The following SMYD3 variants were observed in gnomAD, a reference collection of about 807,000 sequenced individuals.
SMYD3 encodes the protein SET and MYND domain containing 3, also known as histone-lysine N-methyltransferase SMYD3.
SMYD3 carries 36 observed loss-of-function variants against 57.7 expected under a neutral mutation model. That is an observed-to-expected ratio of 0.62 (90% CI 0.48 to 0.82). The LOEUF (loss-of-function observed/expected upper bound fraction) is 0.82. Among genes scored for constraint, SMYD3 ranks in the 40% least tolerant of loss-of-function variants. The probability of loss-of-function intolerance (pLI) is 0.00; values close to 1 mark genes in which losing one functional copy is unlikely to be tolerated. For synonymous variants in SMYD3, 211 were observed against 195.0 expected, an observed-to-expected ratio of 1.08 and a Z score of -0.68; for missense variants, 515 against 538.8, an observed-to-expected ratio of 0.96 and a Z score of 0.44.
intron 10 of SMYD3, among the ~76,000 whole-genome samples, chr1:245,820,991 A>G (rs550239782): frequency 7.3e-5 from 11 of 151,250 alleles, no homozygotes; most frequent in African/African-American, 2.7e-4. Flanking sequence ...TACAGATTCA[A>G]TGCCATCCCC....
At chr1:246,220,658 G>A (rs1352904861) in intron 5 of SMYD3, among the ~76,000 whole-genome samples, 2 of 152,184 alleles carry the variant, frequency 1.3e-5, no homozygotes, top group Non-Finnish European at 2.9e-5. Flanking sequence ...GGGCGGATGG[G>A]GCCTGGTCAC....
At chr1:245,900,857 C>A (rs1558474413) in intron 8 of SMYD3, among the ~76,000 whole-genome samples, 1 of 152,218 alleles carries the variant, frequency 6.6e-6, no homozygotes, top group Non-Finnish European at 1.5e-5. Context: ...AGCTACCTTG[C>A]TAACATTCCA....
intron 10 of SMYD3, among the ~76,000 whole-genome samples, chr1:245,802,940 G>T (rs2791399): frequency 0.19 from 29,499 of 152,090 alleles, 3,743 homozygotes; most frequent in African/African-American, 0.36. Flanking sequence ...TCTATCAGCT[G>T]CCAACTGCCT....
chr1:246,361,329 A>C (rs1419270052), intron 1 of SMYD3, among the ~76,000 whole-genome samples: 1 of 152,228 alleles, frequency 6.6e-6, no homozygotes, highest in African/African-American at 2.4e-5. Flanking sequence ...TGAAAAGGGA[A>C]CACTTTTACA....
intron 11 of SMYD3, among the ~76,000 whole-genome samples, chr1:245,755,431 T>C (rs2045565969): frequency 6.6e-6 from 1 of 152,240 alleles, no homozygotes; most frequent in Non-Finnish European, 1.5e-5. Flanking sequence ...TTATTTTGTA[T>C]CCCTCCTCAG....
intron 5 of SMYD3, among the ~76,000 whole-genome samples, chr1:246,220,516 C>A (rs977410334): frequency 1.3e-5 from 2 of 152,174 alleles, no homozygotes; most frequent in African/African-American, 4.8e-5. Context: ...CCCCTGACTG[C>A]ACTCACAGTC....
chr1:245,875,984 G>C (rs2052466545), intron 8 of SMYD3, among the ~76,000 whole-genome samples: 1 of 152,164 alleles, frequency 6.6e-6, no homozygotes, highest in African/African-American at 2.4e-5. Context: ...GAAAGTCCCA[G>C]GTCTTCATCA....
chr1:246,043,143 C>T (rs1350456660), intron 5 of SMYD3, among the ~76,000 whole-genome samples: 1 of 152,156 alleles, frequency 6.6e-6, no homozygotes, highest in Non-Finnish European at 1.5e-5. Flanking sequence ...TACACAGCAT[C>T]GATTACTCCA....
At chr1:245,918,674 G>C (rs747878122) in intron 7 of SMYD3, among the ~76,000 whole-genome samples, 3 of 152,224 alleles carry the variant, frequency 2.0e-5, no homozygotes, top group Non-Finnish European at 4.4e-5. Flanking sequence ...CTATGAGTAA[G>C]TCTGGGACAG....
chr1:246,071,443 G>A (rs1457778331), intron 5 of SMYD3, among the ~76,000 whole-genome samples: 2 of 152,082 alleles, frequency 1.3e-5, no homozygotes, highest in Non-Finnish European at 2.9e-5. Context: ...CATTATTTGT[G>A]CAATTAAAAT....
chr1:246,059,154 G>T (rs996140505), intron 5 of SMYD3, among the ~76,000 whole-genome samples: 5 of 152,134 alleles, frequency 3.3e-5, no homozygotes, highest in Non-Finnish European at 4.4e-5. Flanking sequence ...GGGATTAAAG[G>T]CGTGAGCCAC....
chr1:246,123,931 G>A (rs779758571), intron 5 of SMYD3, among the ~76,000 whole-genome samples: 16 of 151,846 alleles, frequency 1.1e-4, no homozygotes, highest in Non-Finnish European at 2.1e-4. Flanking sequence ...TCCTATCAAC[G>A]CCTCTTACAA....
intron 9 of SMYD3, among the ~76,000 whole-genome samples, chr1:245,859,838 T>C (rs116585922): frequency 0.022 from 3,400 of 152,300 alleles, 58 homozygotes; most frequent in Non-Finnish European, 0.036. Context: ...TCTAATCGAG[T>C]CCTGTCATTT....
At position 245,858,617 on chromosome 1, in the gene SMYD3, G is replaced by C. The variant is rs763591857; in HGVS notation, c.955C>G (p.Arg319Gly). 1.2e-6 allele frequency: 2 copies of C among 1,614,194 alleles called. No homozygotes were observed. Among genetic ancestry groups the C allele is most frequent in the South Asian group, 1.1e-5 (1 of 91,088 alleles). Residue 319 changes from arginine (R) to glycine (G), a missense_variant, in exon 10 of 12, where the codon CGG (arginine) becomes GGG (glycine). Coordinates refer to ENST00000490107, the MANE Select transcript of SMYD3 (RefSeq NM_001167740.2). ...CQAIISSNSE[R>G]LPDINIYQLK... ...TGGTAGATGTTGATATCGGGAAGCC[G>C]TTCAGAATTGCTGCTTATGATTGCC...
rs1434829878 is a variant in SMYD3 at position 246,203,577 on chromosome 1, C to T, written c.531+123624G>A. 1.3e-5 allele frequency among the ~76,000 whole-genome samples: 2 copies of T among 152,352 alleles called. 1 individual carries two copies. The highest frequency in any genetic ancestry group is 1.3e-4 in the Admixed American group (2 of 15,308). On this transcript the variant is annotated intron_variant, in intron 5 of 11. Coordinates refer to ENST00000490107, the MANE Select transcript of SMYD3 (RefSeq NM_001167740.2). The surrounding 1 kb of genome is among the most constrained non-coding windows in gnomAD (Gnocchi z 4.6). ...ACGGCAGTCCCTCTGCGCACATGTG[C>T]TGTTGGTGTCTCTTCCTCTTCCTAC... is the stretch of plus-strand genomic sequence containing the variant.
chr1:245,791,553 T>C (rs1324278443), intron 10 of SMYD3, among the ~76,000 whole-genome samples: 2 of 145,120 alleles, frequency 1.4e-5, no homozygotes, highest in Non-Finnish European at 3.0e-5. Flanking sequence ...ATTATCATTT[T>C]CTGTAAGTAA....
chr1:246,170,656 C>T (rs2062314241), intron 5 of SMYD3, among the ~76,000 whole-genome samples: 1 of 152,116 alleles, frequency 6.6e-6, no homozygotes, highest in Non-Finnish European at 1.5e-5. Context: ...AAGATTTGGG[C>T]ATTAACATTT....
At position 245,926,841 on chromosome 1, in the gene SMYD3, T is replaced by A. The variant is rs180969817; in HGVS notation, c.702+1090A>T. On this transcript the variant is annotated intron_variant, in intron 7 of 11. Transcript: ENST00000490107. ...ATAGCGGTTTCATCTCTTACCTGCC[T>A]TGAAGTCCTTTGCGGCCCCAGAAAA... Among the ~76,000 whole-genome samples, 7 of 152,346 alleles carry A rather than the reference T, an allele frequency of 4.6e-5. No individual in the cohort carries two copies. In the East Asian group the frequency reaches 1.3e-3, roughly 29 times the overall value.
intron 5 of SMYD3, among the ~76,000 whole-genome samples, chr1:246,101,063 G>GTTTT (rs1558228762): frequency 2.0e-4 from 19 of 92,946 alleles, no homozygotes; most frequent in Non-Finnish European, 2.6e-4. Context: ...TATTTTTAGG[G>GTTTT]GTTTTTTGTT....
Sources: allele counts gnomAD v4.1 joint callset (sites outside exome capture counted in the v4.1 genomes callset), GRCh38; gene constraint gnomAD v4.1.1; non-coding constraint Gnocchi (gnomAD v3.1); transcripts MANE v1.5; gene names NCBI Gene and HGNC (gene_info 2026-07-23, HGNC 2026-07-21).